Variants in CMTM7 observed in about 807,000 individuals in gnomAD.
CMTM7 encodes the protein CKLF like MARVEL transmembrane domain containing 7, also known as CKLF-like MARVEL transmembrane domain-containing protein 7.
Under a neutral mutation model 19.3 loss-of-function variants are expected in CMTM7, and 7 were observed. The observed-to-expected ratio is 0.36, with a 90% CI of 0.21 to 0.68. The LOEUF (loss-of-function observed/expected upper bound fraction) is 0.68. Ranked by LOEUF, CMTM7 falls within the 30% of genes least tolerant of loss-of-function variation. The pLI, the probability that CMTM7 is intolerant of heterozygous loss-of-function variation, is 0.60. For synonymous variants in CMTM7, 87 were observed against 99.3 expected (o/e 0.88, Z 0.74); for missense variants, 193 against 232.6 (o/e 0.83, Z 1.11).
intron 2 of CMTM7, among the ~76,000 whole-genome samples, chr3:32,448,439 G>T (rs1010508261): frequency 6.6e-6 from 1 of 152,222 alleles, no homozygotes; most frequent in Non-Finnish European, 1.5e-5. Flanking sequence ...AGAACTTCAT[G>T]AAGGAATGAT....
chr3:32,406,820 G>A (rs2125623063), intron 1 of CMTM7, among the ~76,000 whole-genome samples: 1 of 152,346 alleles, frequency 6.6e-6, no homozygotes, highest in Non-Finnish European at 1.5e-5. Context: ...GGGAACACTG[G>A]AGAGTGAACT....
chr3:32,413,906 A>T (rs1696218112), intron 1 of CMTM7, among the ~76,000 whole-genome samples: 1 of 152,110 alleles, frequency 6.6e-6, no homozygotes, highest in African/African-American at 2.4e-5. Flanking sequence ...CCCTCCCCAC[A>T]AATTGATGTC....
intron 1 of CMTM7, among the ~76,000 whole-genome samples, chr3:32,418,070 C>T (rs751933858): frequency 1.3e-5 from 2 of 152,188 alleles, no homozygotes; most frequent in South Asian, 2.1e-4. Context: ...GCTCCACCTG[C>T]GTCAGCCTCC....
chr3:32,406,916 A>G (rs56803237), intron 1 of CMTM7, among the ~76,000 whole-genome samples: 11,589 of 152,288 alleles, frequency 0.076, 497 homozygotes, highest in East Asian at 0.15. Flanking sequence ...AGGAGGGTAC[A>G]TAAACTCCCA....
At chr3:32,413,767 TTAA>T (rs1033705380) in intron 1 of CMTM7, among the ~76,000 whole-genome samples, 6 of 152,212 alleles carry the variant, frequency 3.9e-5, no homozygotes, top group African/African-American at 1.4e-4. Context: ...TCTATTCTTT[TTAA>T]ACTACTTTTT....
At chr3:32,444,726 G>A (rs576379549) in intron 2 of CMTM7, among the ~76,000 whole-genome samples, 53 of 152,034 alleles carry the variant, frequency 3.5e-4, no homozygotes, top group Non-Finnish European at 6.9e-4. Flanking sequence ...TCAATGTTTT[G>A]TAGTTTTCAG....
At chr3:32,410,245 G>A (rs1196291104) in intron 1 of CMTM7, among the ~76,000 whole-genome samples, 1 of 152,160 alleles carries the variant, frequency 6.6e-6, no homozygotes, top group South Asian at 2.1e-4. Flanking sequence ...CCTGTTTATG[G>A]TAGATCTTCT....
chr3:32,453,859 T>C (rs1240275626), intron 4 of CMTM7, among the ~76,000 whole-genome samples: 2 of 152,174 alleles, frequency 1.3e-5, no homozygotes, highest in Non-Finnish European at 2.9e-5. Flanking sequence ...AAAAGAATGA[T>C]TTTTAAACGT....
chr3:32,454,120 G>A (rs1023565589), intron 4 of CMTM7, 121 bp from the exon 5 acceptor site: 9 of 1,046,354 alleles, frequency 8.6e-6, no homozygotes, highest in Middle Eastern at 2.2e-4. Flanking sequence ...AGTGCAAGTC[G>A]GCACTGGGTG....
chr3:32,447,700 CT>C (rs1457941277), intron 2 of CMTM7, among the ~76,000 whole-genome samples: 2 of 151,876 alleles, frequency 1.3e-5, no homozygotes, highest in African/African-American at 2.4e-5. Context: ...TTTCTAGTAA[CT>C]TTTTTTTGTG....
At chr3:32,443,638 C>T (rs4461456) in intron 2 of CMTM7, among the ~76,000 whole-genome samples, 20,253 of 152,086 alleles carry the variant, frequency 0.13, 1,510 homozygotes, top group Non-Finnish European at 0.18. Context: ...TTTGAGGAAC[C>T]GCCAGACTGT....
chr3:32,422,766 T>C (rs934361545), intron 1 of CMTM7, among the ~76,000 whole-genome samples: 13 of 152,214 alleles, frequency 8.5e-5, no homozygotes, highest in African/African-American at 2.9e-4. Context: ...AAAACGCATT[T>C]AATACCCTCA....
chr3:32,421,373 T>A (rs1312059151), intron 1 of CMTM7, among the ~76,000 whole-genome samples: 2 of 152,160 alleles, frequency 1.3e-5, no homozygotes, highest in Admixed American at 6.5e-5. Context: ...CCTGTGCAGT[T>A]TGCCTAACAT....
chr3:32,437,458 G>A lies in CMTM7; in HGVS notation c.160-4382G>A, dbSNP rs771995360. ...CTAAAAATATAAAAATTAGCCGGCC[G>A]TGGTGGTGCACACCTGTAGTCCCAG... On this transcript the variant is annotated intron_variant, in intron 1 of 4. Transcript: ENST00000334983. 2.0e-5 allele frequency among the ~76,000 whole-genome samples: 3 copies of A among 151,812 alleles called. No individual in the cohort carries two copies. The East Asian group carries it at 5.8e-4, about 29-fold the overall frequency.
At chr3:32,427,503 G>T (rs900361936) in intron 1 of CMTM7, among the ~76,000 whole-genome samples, 1 of 152,146 alleles carries the variant, frequency 6.6e-6, no homozygotes, top group African/African-American at 2.4e-5. Flanking sequence ...GTCTGGGACT[G>T]TATAATACCA....
intron 1 of CMTM7, among the ~76,000 whole-genome samples, chr3:32,411,093 C>G (rs552563053): frequency 2.0e-5 from 3 of 152,240 alleles, no homozygotes; most frequent in Admixed American, 6.5e-5. Context: ...TGTCCCAGCT[C>G]TGTGTCAGCC....
chr3:32,423,332 A>T (rs908416045), intron 1 of CMTM7, among the ~76,000 whole-genome samples: 1 of 152,240 alleles, frequency 6.6e-6, no homozygotes, highest in African/African-American at 2.4e-5. Flanking sequence ...GAGTGGCCAC[A>T]TTTCATTTTA....
Position 32,442,356 on chromosome 3 carries a change from G to A in CMTM7, c.333+343G>A, listed in dbSNP as rs901279247. Among the ~76,000 whole-genome samples the A allele has an allele frequency of 6.6e-5, 10 of 151,874 alleles. No individual in the cohort carries two copies. In the East Asian group the frequency reaches 1.4e-3, roughly 21 times the overall value. On this transcript the variant is annotated intron_variant, in intron 2 of 4. Transcript: ENST00000334983. ...TACTAAAAAATACAAAAAATCAGCC[G>A]GGCGTGGTGGCGGGTGCCTGTAGTC... is the stretch of plus-strand genomic sequence containing the variant.
chr3:32,421,408 A>C (rs1474027810), intron 1 of CMTM7, among the ~76,000 whole-genome samples: 1 of 152,100 alleles, frequency 6.6e-6, no homozygotes, highest in African/African-American at 2.4e-5. Context: ...TTGTTCCCAA[A>C]TATACTCTTG....
Sources: allele counts gnomAD v4.1 joint callset (sites outside exome capture counted in the v4.1 genomes callset), GRCh38; gene constraint gnomAD v4.1.1; transcripts MANE v1.5; gene names NCBI Gene and HGNC (gene_info 2026-07-23, HGNC 2026-07-21).